Variants in TENM3 observed in about 807,000 individuals in gnomAD.
The protein encoded by TENM3 is teneurin transmembrane protein 3.
TENM3 carries 63 observed loss-of-function variants against 255.1 expected under a neutral mutation model. That is an observed-to-expected ratio of 0.25 (90% CI 0.20 to 0.30). The LOEUF is 0.30. TENM3 is among the 10% of genes least tolerant of loss of function. TENM3 has a pLI of 1.00. For missense variants in TENM3, 2,929 were observed against 3,461.1 expected (o/e 0.85, Z 3.86); for synonymous variants, 1,306 against 1,322.3 (o/e 0.99, Z 0.27).
chr4:182,228,396 A>ATATG (rs1252527535), intron 1 of TENM3, among the ~76,000 whole-genome samples: 29 of 128,780 alleles, frequency 2.3e-4, no homozygotes, highest in African/African-American at 5.7e-4. Flanking sequence ...GTGTGTGTAT[A>ATATG]TGTAATCCCT....
the TENM3 span, among the ~76,000 whole-genome samples, chr4:181,652,887 T>C: frequency 1.3e-5 from 2 of 152,382 alleles, no homozygotes; most frequent in Non-Finnish European, 1.5e-5. Context: ...CGAACTGCTG[T>C]GACCTTTGCC....
chr4:181,512,758 G>T, the TENM3 span, among the ~76,000 whole-genome samples: 1 of 152,110 alleles, frequency 6.6e-6, no homozygotes, highest in East Asian at 1.9e-4. Context: ...AAATAGTGAA[G>T]TACATTTTAC....
chr4:182,339,439 C>T (rs1764340904), intron 2 of TENM3, among the ~76,000 whole-genome samples: 1 of 152,208 alleles, frequency 6.6e-6, no homozygotes, highest in Non-Finnish European at 1.5e-5. Flanking sequence ...AGCTCCCCTG[C>T]CTAACTGATT....
the TENM3 span, among the ~76,000 whole-genome samples, chr4:181,933,254 A>C: frequency 1.3e-5 from 2 of 152,192 alleles, no homozygotes; most frequent in Admixed American, 6.5e-5. Flanking sequence ...GAGCTTTAGA[A>C]AGAGTAATAA....
At chr4:182,247,579 A>G (rs2150098900) in intron 1 of TENM3, among the ~76,000 whole-genome samples, 1 of 152,284 alleles carries the variant, frequency 6.6e-6, no homozygotes, top group South Asian at 2.1e-4. Context: ...AATTTACTAG[A>G]TTTTAAGATT....
chr4:181,849,978 CACACACACAG>C, the TENM3 span, among the ~76,000 whole-genome samples: 2 of 149,202 alleles, frequency 1.3e-5, no homozygotes, highest in African/African-American at 2.5e-5. Flanking sequence ...CACACACACA[CACACACACAG>C]AGTCTTCCTC....
intron 3 of TENM3, among the ~76,000 whole-genome samples, chr4:182,405,430 A>G (rs1179649047): frequency 6.6e-6 from 1 of 152,228 alleles, no homozygotes. Flanking sequence ...GATTGGATGC[A>G]TGTTGAGTGT....
chr4:182,207,324 G>A (rs1322159825), intron 1 of TENM3, among the ~76,000 whole-genome samples: 1 of 152,140 alleles, frequency 6.6e-6, no homozygotes, highest in Admixed American at 6.5e-5. Flanking sequence ...ACTTATTTAG[G>A]CAGCTCTAGG....
At chr4:181,687,907 TTTGA>T in the TENM3 span, among the ~76,000 whole-genome samples, 1 of 152,156 alleles carries the variant, frequency 6.6e-6, no homozygotes, top group East Asian at 1.9e-4. Context: ...AACAAAGTCT[TTTGA>T]TCTGTGATGA....
intron 3 of TENM3, among the ~76,000 whole-genome samples, chr4:182,574,776 G>A (rs10023691): frequency 0.64 from 96,735 of 151,878 alleles, 33,485 homozygotes; most frequent in Non-Finnish European, 0.78. Flanking sequence ...GCTTCTCAAT[G>A]AGCTATTTCA....
At chr4:182,302,014 C>T (rs1761883736) in intron 1 of TENM3, among the ~76,000 whole-genome samples, 1 of 152,196 alleles carries the variant, frequency 6.6e-6, no homozygotes. Context: ...TTGACTAATA[C>T]AATTTTCTTT....
chr4:181,549,145 C>T, the TENM3 span, among the ~76,000 whole-genome samples: 6 of 152,164 alleles, frequency 3.9e-5, no homozygotes, highest in Non-Finnish European at 8.8e-5. Flanking sequence ...CCCTCACCCC[C>T]TTACCCTATA....
At chr4:182,662,247 ATTTT>A (rs1387001454) in intron 6 of TENM3, among the ~76,000 whole-genome samples, 2 of 152,170 alleles carry the variant, frequency 1.3e-5, no homozygotes, top group Non-Finnish European at 2.9e-5. Context: ...TGACAACTGT[ATTTT>A]AAGACATTAA....
At chr4:181,683,584 T>A in the TENM3 span, among the ~76,000 whole-genome samples, 1 of 152,160 alleles carries the variant, frequency 6.6e-6, no homozygotes, top group African/African-American at 2.4e-5. Flanking sequence ...GGCCACCCTT[T>A]GAGAACCTAT....
chr4:181,519,353 C>T, the TENM3 span, among the ~76,000 whole-genome samples: 4 of 152,166 alleles, frequency 2.6e-5, no homozygotes, highest in African/African-American at 9.7e-5. Context: ...TTACTCTTTC[C>T]TCTCTGAAAA....
At chr4:181,467,379 C>A in the TENM3 span, among the ~76,000 whole-genome samples, 24 of 151,238 alleles carry the variant, frequency 1.6e-4, no homozygotes, top group African/African-American at 5.8e-4. Flanking sequence ...AGGTGGTCCG[C>A]CTGCCTTGGC....
At chr4:182,119,344 C>A in the TENM3 span, among the ~76,000 whole-genome samples, 3 of 152,300 alleles carry the variant, frequency 2.0e-5, no homozygotes, top group Admixed American at 2.0e-4. Flanking sequence ...GCTCTTAAAA[C>A]TCACAAAAGT....
chr4:181,647,007 T>A, the TENM3 span, among the ~76,000 whole-genome samples: 1 of 152,186 alleles, frequency 6.6e-6, no homozygotes, highest in African/African-American at 2.4e-5. Flanking sequence ...TCAGGAAAGA[T>A]CATGAGTAAA....
At chr4:181,826,532 C>A in the TENM3 span, among the ~76,000 whole-genome samples, 1 of 152,212 alleles carries the variant, frequency 6.6e-6, no homozygotes, top group African/African-American at 2.4e-5. Flanking sequence ...AAATTTGAAT[C>A]CCTACTAAGC....
Sources: allele counts gnomAD v4.1 joint callset (sites outside exome capture counted in the v4.1 genomes callset), GRCh38; gene constraint gnomAD v4.1.1; transcripts MANE v1.5; gene names NCBI Gene and HGNC (gene_info 2026-07-23, HGNC 2026-07-21).